PARN: variants seen among roughly 807,000 people sequenced by gnomAD.
PARN encodes poly(A)-specific ribonuclease PARN.
A neutral mutation model predicts 102.8 loss-of-function variants in PARN; 71 were observed. That is an observed-to-expected ratio of 0.69 (90% CI 0.57 to 0.84). PARN has a LOEUF of 0.84. Ranked by LOEUF, PARN falls within the 40% of genes least tolerant of loss-of-function variation. The pLI is 0.00. For synonymous variants in PARN, 261 were observed against 252.9 expected (o/e 1.03, Z -0.30); for missense variants, 782 against 760.9 (o/e 1.03, Z -0.33).
At chr16:14,439,620 T>C (rs1446808519) in intron 23 of PARN, among the ~76,000 whole-genome samples, 1 of 152,168 alleles carries the variant, frequency 6.6e-6, no homozygotes, top group African/African-American at 2.4e-5. Flanking sequence ...TATGCAAAGA[T>C]TTTTTAGATA....
chr16:14,551,944 C>A (rs781060311), intron 21 of PARN, 77 bp downstream of exon 21: 7 of 886,988 alleles, frequency 7.9e-6, no homozygotes, highest in Non-Finnish European at 9.4e-6. Flanking sequence ...GAGCCCATAG[C>A]TTTTAAATTA....
Position 14,440,549 on chromosome 16 carries a change from A to C in PARN, c.1865-3777T>G, listed in dbSNP as rs554886191. Among the ~76,000 whole-genome samples the C allele has an allele frequency of 9.2e-5, 14 of 152,374 alleles. No homozygotes were observed. The East Asian group carries it at 2.1e-3, about 23-fold the overall frequency. On this transcript the variant is annotated intron_variant, in intron 23 of 23. Transcript: ENST00000437198. ...AACTTAATTCATACAAAAAACCTGT[A>C]CACAAATATTTATAGCAGCTTGATT...
intron 22 of PARN, among the ~76,000 whole-genome samples, chr16:14,477,869 C>T (rs941201594): frequency 6.6e-6 from 1 of 151,970 alleles, no homozygotes; most frequent in African/African-American, 2.4e-5. Flanking sequence ...GTCTAATATT[C>T]CTCATGAACA....
intron 18 of PARN, chr16:14,565,112 T>A (rs1968352299): frequency 6.6e-6 from 1 of 152,172 alleles, no homozygotes. Flanking sequence ...GCAAGGCTCA[T>A]CATTATACAT....
intron 23 of PARN, among the ~76,000 whole-genome samples, chr16:14,446,497 C>T (rs533118814): frequency 2.0e-5 from 3 of 152,238 alleles, no homozygotes; most frequent in Admixed American, 1.3e-4. Flanking sequence ...ATCCAGGTTG[C>T]CTGGGGGTTT....
chr16:14,592,653 C>A (rs1212744396), intron 13 of PARN, among the ~76,000 whole-genome samples: 1 of 152,160 alleles, frequency 6.6e-6, no homozygotes, highest in East Asian at 1.9e-4. Flanking sequence ...TAGGACTGGA[C>A]CCACTTCAGC....
At chr16:14,609,463 C>T (rs982219276) in intron 7 of PARN, among the ~76,000 whole-genome samples, 2 of 151,928 alleles carry the variant, frequency 1.3e-5, no homozygotes, top group African/African-American at 2.4e-5. Context: ...CCCAGCTACT[C>T]CAGAAGCGGA....
chr16:14,498,853 C>T (rs1406104981), intron 21 of PARN, among the ~76,000 whole-genome samples: 1 of 152,188 alleles, frequency 6.6e-6, no homozygotes, highest in African/African-American at 2.4e-5. Context: ...TTTTTATTTT[C>T]CACATCAATT....
Position 14,610,346 on chromosome 16 carries a change from G to A in PARN, c.554+298C>T, listed in dbSNP as rs1026552692. 1.3e-4 allele frequency among the ~76,000 whole-genome samples: 19 copies of A among 151,856 alleles called. No homozygotes were observed. In the South Asian group the frequency reaches 2.3e-3, roughly 18 times the overall value. On this transcript the variant is annotated intron_variant, in intron 7 of 23. Transcript: ENST00000437198. The stretch of plus-strand genomic sequence containing the variant: ...AAATTAGGCGGGTGTGGTGGTGCAC[G>A]CCTATAATCCCAGCTACTCTGGAGG...
intron 21 of PARN, among the ~76,000 whole-genome samples, chr16:14,548,366 T>A (rs1362609606): frequency 1.3e-5 from 2 of 152,188 alleles, no homozygotes; most frequent in Admixed American, 1.3e-4. Flanking sequence ...AACATCTGCA[T>A]AATTTTAGAA....
At chr16:14,627,020 T>C (rs1296248596) in intron 5 of PARN, 86 bp downstream of exon 5, 2 of 793,198 alleles carry the variant, frequency 2.5e-6, no homozygotes, top group Non-Finnish European at 4.3e-6. Flanking sequence ...AAGCCCAAAG[T>C]TAATAGAGAA....
rs1015982395 is a variant in PARN at position 14,624,895 on chromosome 16, T to A, written c.327+2211A>T. On this transcript the variant is annotated intron_variant, in intron 5 of 23. Transcript: ENST00000437198. ...GGAAAAACCCTATCTCTACTAAAAA[T>A]ATAAAATAAGCCGGCGTGATGGTGC... Among the ~76,000 whole-genome samples the A allele has an allele frequency of 2.0e-5, 3 of 151,848 alleles. No individual in the cohort carries two copies. The South Asian group carries it at 6.2e-4, about 32-fold the overall frequency.
chr16:14,522,133 T>C (rs988355341), intron 21 of PARN, among the ~76,000 whole-genome samples: 3 of 152,202 alleles, frequency 2.0e-5, no homozygotes, highest in East Asian at 1.9e-4. Context: ...ATGACTGTAT[T>C]ACTAAGGAGC....
intron 21 of PARN, among the ~76,000 whole-genome samples, chr16:14,521,508 T>C (rs1429851103): frequency 1.3e-5 from 2 of 152,220 alleles, no homozygotes; most frequent in Admixed American, 1.3e-4. Flanking sequence ...TTGTTAAATA[T>C]ATGTAACGGG....
rs547991646 is a variant in PARN, at chr16:14,610,077, A to C, written c.554+567T>G. 1.0e-3 allele frequency among the ~76,000 whole-genome samples: 154 copies of C among 152,226 alleles called. 1 individual carries two copies. Among genetic ancestry groups the C allele is most frequent in the African/African-American group, 3.4e-3 (141 of 41,542 alleles). On this transcript the variant is annotated intron_variant, in intron 7 of 23. Transcript: ENST00000437198. ...AAAAATAAAATAAAATAAAAAATCC[A>C]CGCAGGTCTGACCACGTACTGAAAT...
intron 16 of PARN, among the ~76,000 whole-genome samples, chr16:14,584,077 C>T (rs897874935): frequency 7.2e-5 from 11 of 152,090 alleles, no homozygotes; most frequent in African/African-American, 2.4e-4. Context: ...TAGGAGAATT[C>T]CATATTATTA....
intron 6 of PARN, among the ~76,000 whole-genome samples, chr16:14,612,856 A>G (rs998497695): frequency 6.6e-6 from 1 of 151,916 alleles, no homozygotes; most frequent in African/African-American, 2.4e-5. Flanking sequence ...CTCAGCCTCT[A>G]AAAGTGCTGA....
At chr16:14,586,238 A>C in intron 14 of PARN, 80 bp downstream of exon 14, 1 of 791,826 alleles carries the variant, frequency 1.3e-6, no homozygotes, top group Non-Finnish European at 2.2e-6. Flanking sequence ...CAGTCTCCCA[A>C]AGTGGTGGGA....
chr16:14,592,874 AG>A (rs1970277950), intron 13 of PARN, among the ~76,000 whole-genome samples: 1 of 152,236 alleles, frequency 6.6e-6, no homozygotes, highest in South Asian at 2.1e-4. Flanking sequence ...GTGGTAGCTC[AG>A]GCCTGTAATC....
Sources: allele counts gnomAD v4.1 joint callset (sites outside exome capture counted in the v4.1 genomes callset), GRCh38; gene constraint gnomAD v4.1.1; transcripts MANE v1.5; gene names NCBI Gene and HGNC (gene_info 2026-07-23, HGNC 2026-07-21).